The following SVEP1 variants were observed in gnomAD, a reference collection of about 807,000 sequenced individuals.
The protein encoded by SVEP1 is sushi, von Willebrand factor type A, EGF and pentraxin domain-containing protein 1.
A neutral mutation model predicts 367.3 loss-of-function variants in SVEP1; 164 were observed. The observed-to-expected ratio is 0.45, with a 90% CI of 0.39 to 0.51. The LOEUF is 0.51. SVEP1 is among the 20% of genes least tolerant of loss of function. SVEP1 has a pLI of 0.00. For synonymous variants in SVEP1, 1,666 were observed against 1,611.6 expected (o/e 1.03, Z -0.81); for missense variants, 4,117 against 4,425.3 (o/e 0.93, Z 1.98).
chr9:110,469,776 C>G (rs1828988405), intron 16 of SVEP1, among the ~76,000 whole-genome samples: 1 of 152,148 alleles, frequency 6.6e-6, no homozygotes, highest in Non-Finnish European at 1.5e-5. Context: ...TGCATTAGTC[C>G]TAGGATGGGG....
chr9:110,501,462 C>T (rs1829527498), intron 6 of SVEP1, among the ~76,000 whole-genome samples: 1 of 151,480 alleles, frequency 6.6e-6, no homozygotes, highest in Non-Finnish European at 1.5e-5. Context: ...ATTTTAATGA[C>T]TTTAATGAGC....
intron 36 of SVEP1, among the ~76,000 whole-genome samples, chr9:110,416,050 G>GA (rs540934575): frequency 2.6e-5 from 4 of 151,654 alleles, no homozygotes; most frequent in Middle Eastern, 3.4e-3. Flanking sequence ...ACACCTGGTA[G>GA]AAAAAAAATC....
At chr9:110,516,196 T>C (rs868763407) in intron 3 of SVEP1, among the ~76,000 whole-genome samples, 7 of 149,348 alleles carry the variant, frequency 4.7e-5, no homozygotes, top group African/African-American at 1.7e-4. Flanking sequence ...AACTAAAATA[T>C]AAAATAAAAA....
chr9:110,568,543 G>T (rs939458134), intron 1 of SVEP1, among the ~76,000 whole-genome samples: 1 of 151,720 alleles, frequency 6.6e-6, no homozygotes, highest in Non-Finnish European at 1.5e-5. Context: ...AATTGTGAAT[G>T]CTCTATGTTC....
At position 110,406,637 on chromosome 9, in the gene SVEP1, C is replaced by A; in HGVS notation, c.8963G>T (p.Arg2988Met). The A allele has an allele frequency of 6.2e-7, 1 of 1,613,980 alleles. No individual in the cohort carries two copies. The highest frequency in any genetic ancestry group is 8.5e-7 in the Non-Finnish European group (1 of 1,179,898). Reference sequence around the variant, plus strand: ...ACTCCAGGAGCCATTGGAGAGGCACCTTCTTGATGAATTTCCATGGAGCTT... The same window carrying A: ...ACTCCAGGAGCCATTGGAGAGGCACATTCTTGATGAATTTCCATGGAGCTT... ...GYKLHGNSSR[R>M]CLSNGSWSGS... Residue 2988 changes from arginine to methionine, a missense_variant, in exon 38 of 48, where the codon AGG (arginine) becomes ATG (methionine). Around this residue, in one of 4 missense-constraint regions of SVEP1, gnomAD observed 1,765 missense variants for 1,781.1 expected, o/e 0.99. Transcript: ENST00000374469.
intron 1 of SVEP1, among the ~76,000 whole-genome samples, chr9:110,569,862 C>A (rs1033463146): frequency 6.6e-6 from 1 of 152,184 alleles, no homozygotes; most frequent in Non-Finnish European, 1.5e-5. Context: ...TATTGCTTCA[C>A]CCTTTACAGA....
At chr9:110,558,718 T>C (rs1053812290) in intron 1 of SVEP1, among the ~76,000 whole-genome samples, 2 of 152,024 alleles carry the variant, frequency 1.3e-5, no homozygotes, top group Admixed American at 6.6e-5. Context: ...ACATTGCTCA[T>C]AGTGAGATAA....
intron 47 of SVEP1, 26 bp downstream of exon 47, chr9:110,369,897 C>A: frequency 6.3e-7 from 1 of 1,591,458 alleles, no homozygotes; most frequent in South Asian, 1.1e-5. Flanking sequence ...ATGTTATAGG[C>A]GAACATTAGT....
chr9:110,365,724 C>A lies in SVEP1; in HGVS notation c.*815G>T, dbSNP rs1437274834. On this transcript the variant is annotated 3_prime_UTR_variant, in exon 48 of 48. Transcript: ENST00000374469. The stretch of plus-strand genomic sequence containing the variant: ...TTTTTCCTTCTCTTTCCCTGTCTTC[C>A]CCTTCCTCCCAAAATAGTGAGTTGT... The A allele has an allele frequency of 3.3e-5, 5 of 152,228 alleles. No individual in the cohort carries two copies. The highest frequency in any genetic ancestry group is 7.3e-5 in the Non-Finnish European group (5 of 68,092). The allele number at this position is 152,228 out of a possible 1,614,324, so 9.4% of individuals were successfully genotyped here.
At chr9:110,400,133 A>AG (rs1331768258) in intron 40 of SVEP1, among the ~76,000 whole-genome samples, 4 of 152,112 alleles carry the variant, frequency 2.6e-5, no homozygotes, top group African/African-American at 9.7e-5. Flanking sequence ...TTGGCATCTC[A>AG]ATGCCAAGGT....
At chr9:110,567,366 T>A (rs991167015) in intron 1 of SVEP1, among the ~76,000 whole-genome samples, 2 of 152,188 alleles carry the variant, frequency 1.3e-5, no homozygotes, top group Non-Finnish European at 2.9e-5. Context: ...GAATACAAAT[T>A]AACTCTGAAA....
chr9:110,542,750 A>C (rs938245068), intron 3 of SVEP1, among the ~76,000 whole-genome samples: 2 of 139,604 alleles, frequency 1.4e-5, no homozygotes, highest in African/African-American at 2.7e-5. Context: ...TATTTACCAA[A>C]TGGATTTTAA....
Position 110,375,352 on chromosome 9 carries a change from C to G in SVEP1, c.10600+16G>C. The G allele has an allele frequency of 6.5e-7, 1 of 1,539,896 alleles. No homozygotes were observed. Among genetic ancestry groups the G allele is most frequent in the Admixed American group, 2.0e-5 (1 of 48,956 alleles). On this transcript the variant is annotated intron_variant, in intron 46 of 47. Transcript: ENST00000374469. ...GGCCTGAGCCACCAAGAAAACAAAC[C>G]ATGAAAGAGGCCTACCTGTATGACA...
At chr9:110,453,944 G>T (rs1207819780) in intron 22 of SVEP1, among the ~76,000 whole-genome samples, 9 of 150,744 alleles carry the variant, frequency 6.0e-5, no homozygotes, top group Admixed American at 2.6e-4. Context: ...CGTTTTGATT[G>T]GCCTTTTCTG....
chr9:110,375,263 T>G, intron 46 of SVEP1, 105 bp downstream of exon 46: 5 of 1,008,954 alleles, frequency 5.0e-6, no homozygotes, highest in Non-Finnish European at 7.2e-6. Flanking sequence ...ACATCAGTAC[T>G]TTTTCATTTT....
At chr9:110,526,550 G>A (rs552399304) in intron 3 of SVEP1, among the ~76,000 whole-genome samples, 32 of 152,232 alleles carry the variant, frequency 2.1e-4, no homozygotes, top group Middle Eastern at 3.4e-3. Flanking sequence ...CAAGGAGGCA[G>A]AGAAACTGGA....
intron 41 of SVEP1, 35 bp downstream of exon 41, chr9:110,389,489 T>A: frequency 6.2e-7 from 1 of 1,608,644 alleles, no homozygotes; most frequent in African/African-American, 1.3e-5. Flanking sequence ...GTCCTCAGTG[T>A]CATTTTGGGG....
chr9:110,517,662 G>T (rs1829822331), intron 3 of SVEP1, among the ~76,000 whole-genome samples: 1 of 147,822 alleles, frequency 6.8e-6, no homozygotes, highest in South Asian at 2.1e-4. Context: ...AGCCTCAGCT[G>T]CTTGGGAGGC....
At chr9:110,566,445 C>T (rs1830495614) in intron 1 of SVEP1, among the ~76,000 whole-genome samples, 2 of 152,018 alleles carry the variant, frequency 1.3e-5, no homozygotes, top group South Asian at 4.1e-4. Flanking sequence ...TACAGTGGTG[C>T]CTGACAAGTA....
Sources: allele counts gnomAD v4.1 joint callset (sites outside exome capture counted in the v4.1 genomes callset), GRCh38; gene constraint gnomAD v4.1.1; regional missense constraint gnomAD v4.1.1; transcripts MANE v1.5; gene names NCBI Gene and HGNC (gene_info 2026-07-23, HGNC 2026-07-21).